Variants in WDR17 observed in about 807,000 individuals in gnomAD.
WDR17 encodes the protein WD repeat-containing protein 17.
A neutral mutation model predicts 161.7 loss-of-function variants in WDR17; 143 were observed. The observed-to-expected ratio is 0.88, with a 90% confidence interval of 0.77 to 1.02. The LOEUF (loss-of-function observed/expected upper bound fraction) is 1.02, where lower values mean the gene tolerates loss of function less well. Among genes scored for constraint, WDR17 ranks in the 50% least tolerant of loss-of-function variants. WDR17 has a pLI of 0.00. For missense variants in WDR17, 1,469 were observed against 1,520.9 expected (o/e 0.97, Z 0.57); for synonymous variants, 517 against 515.6 (o/e 1.00, Z -0.04).
chr4:176,178,639 G>A (rs575169902), intron 28 of WDR17, among the ~76,000 whole-genome samples: 6 of 152,114 alleles, frequency 3.9e-5, no homozygotes, highest in South Asian at 2.1e-4. Context: ...GAAAGTTGAC[G>A]TGTTTGGGTT....
At chr4:176,147,880 A>T (rs1439557627) in intron 12 of WDR17, among the ~76,000 whole-genome samples, 4 of 152,250 alleles carry the variant, frequency 2.6e-5, no homozygotes, top group Admixed American at 6.5e-5. Flanking sequence ...TACTATAAAG[A>T]AAAGTATGTG....
intron 1 of WDR17, among the ~76,000 whole-genome samples, chr4:176,107,613 A>G (rs972931019): frequency 1.3e-5 from 2 of 151,816 alleles, no homozygotes; most frequent in Non-Finnish European, 1.5e-5. Flanking sequence ...ATCAGAAGGA[A>G]ATTCTGACAT....
chr4:176,074,805 T>C (rs1428248927), intron 1 of WDR17, among the ~76,000 whole-genome samples: 1 of 143,308 alleles, frequency 7.0e-6, no homozygotes, highest in Non-Finnish European at 1.5e-5. Flanking sequence ...GGATTTTTTT[T>C]AATGCTTTTT....
intron 25 of WDR17, among the ~76,000 whole-genome samples, chr4:176,173,595 C>T (rs1464239397): frequency 1.3e-5 from 2 of 152,140 alleles, no homozygotes; most frequent in Non-Finnish European, 2.9e-5. Context: ...CAGCTCACTG[C>T]AAGCTCCGCC....
chr4:176,150,248 A>G (rs1746903161), intron 15 of WDR17, 75 bp downstream of exon 15: 2 of 1,569,388 alleles, frequency 1.3e-6, no homozygotes, highest in Non-Finnish European at 1.7e-6. Flanking sequence ...TTTTATTCAC[A>G]TATTTACATG....
In WDR17 at chr4:176,163,232, G is replaced by T. The variant is rs1749302167; in HGVS notation, c.2929G>T (p.Ala977Ser). ...GGGCACAGTACTAGGAGAGTCTGCA[G>T]CACCAGCAACCCACTATGCCTTAGA... Reference protein sequence around the residue: ...CVGTVLGESAAPATHYALELL... With the variant: ...CVGTVLGESASPATHYALELL... The change falls in exon 22 of 29, where the codon GCA becomes TCA. Residue 977 changes from alanine to serine, a missense_variant. By Grantham distance (99) the Ala-to-Ser change is moderately conservative. Coordinates refer to ENST00000508596, the MANE Select transcript of WDR17 (RefSeq NM_181265.4). The T allele has an allele frequency of 6.2e-7, 1 of 1,613,796 alleles. No homozygotes were observed. The highest frequency in any genetic ancestry group is 1.3e-5 in the African/African-American group (1 of 74,912).
chr4:176,108,992 G>A (rs750084470), intron 1 of WDR17, among the ~76,000 whole-genome samples: 6 of 152,018 alleles, frequency 3.9e-5, no homozygotes, highest in African/African-American at 9.7e-5. Flanking sequence ...GTCTCCCTAC[G>A]TTGCCCAGAC....
intron 8 of WDR17, among the ~76,000 whole-genome samples, chr4:176,137,090 C>A (rs538348161): frequency 6.6e-6 from 1 of 151,438 alleles, no homozygotes; most frequent in Non-Finnish European, 1.5e-5. Context: ...ACTTTCATAA[C>A]CATTAAAATA....
At chr4:176,165,911 G>T (rs1749705325) in intron 22 of WDR17, among the ~76,000 whole-genome samples, 1 of 152,144 alleles carries the variant, frequency 6.6e-6, no homozygotes, top group Non-Finnish European at 1.5e-5. Flanking sequence ...TTTAAATGTG[G>T]TGCTGATTAG....
At chr4:176,123,447 T>A (rs544020242) in intron 4 of WDR17, among the ~76,000 whole-genome samples, 4 of 152,324 alleles carry the variant, frequency 2.6e-5, no homozygotes, top group African/African-American at 9.6e-5. Context: ...TCTCTTCTGA[T>A]GACAGTTGTT....
chr4:176,177,700 A>T, intron 28 of WDR17, 46 bp downstream of exon 28: 1 of 1,520,610 alleles, frequency 6.6e-7, no homozygotes, highest in Non-Finnish European at 8.8e-7. Context: ...ACCATTTTAC[A>T]TGTTTACTTT....
chr4:176,120,185 C>T (rs1281523975), intron 4 of WDR17, 88 bp downstream of exon 4: 1 of 995,886 alleles, frequency 1.0e-6, no homozygotes, highest in African/African-American at 1.7e-5. Flanking sequence ...GTGACCAGTC[C>T]CCATTGTGAA....
intron 17 of WDR17, among the ~76,000 whole-genome samples, chr4:176,154,014 A>T (rs755854902): frequency 6.6e-6 from 1 of 152,194 alleles, no homozygotes; most frequent in Non-Finnish European, 1.5e-5. Context: ...TTGGTACAAC[A>T]GTGTAATTCT....
At position 176,180,339 on chromosome 4, in the gene WDR17, G is replaced by A. The variant is rs1340630850; in HGVS notation, c.*760G>A. On this transcript the variant is annotated 3_prime_UTR_variant, in exon 29 of 29. Transcript: ENST00000508596. ...CTATTTTAAGAGATTCAGCATGCAT[G>A]GATATTAGTTTTGATTAATGTGTAC... is the stretch of plus-strand genomic sequence containing the variant. 6.6e-6 allele frequency: 1 copy of A among 152,048 alleles called. No homozygotes were observed. The highest frequency in any genetic ancestry group is 1.5e-5 in the Non-Finnish European group (1 of 68,008). The allele number at this position is 152,048 out of a possible 1,614,324, so 9.4% of individuals were successfully genotyped here.
chr4:176,147,693 A>G (rs1045689398), intron 12 of WDR17, among the ~76,000 whole-genome samples: 11 of 152,160 alleles, frequency 7.2e-5, no homozygotes, highest in Non-Finnish European at 1.5e-4. Flanking sequence ...TAACAAAGCA[A>G]TTTTATTCAC....
chr4:176,149,814 C>T lies in WDR17; in HGVS notation c.1905C>T (p.Thr635=). ...GGTTTTTATTTTCATCAGGTTTAACCTGCCATCCCAGTCGCCCCTTCACTA... is the reference window on the plus strand; with the variant it reads ...GGTTTTTATTTTCATCAGGTTTAACTTGCCATCCCAGTCGCCCCTTCACTA... ...YDHGADVYGL[T]CHPSRPFTMA... The change falls in exon 14 of 29, where the codon ACC becomes ACT. Residue 635 remains threonine (T), a synonymous_variant. Transcript: ENST00000508596. The T allele has an allele frequency of 6.2e-7, 1 of 1,612,192 alleles. No individual in the cohort carries two copies. The highest frequency in any genetic ancestry group is 8.5e-7 in the Non-Finnish European group (1 of 1,179,580).
At chr4:176,175,504 C>T (rs1751302147) in intron 26 of WDR17, among the ~76,000 whole-genome samples, 1 of 151,964 alleles carries the variant, frequency 6.6e-6, no homozygotes, top group African/African-American at 2.4e-5. Flanking sequence ...ACCATTTTAA[C>T]AAATGCAGAG....
In WDR17 at chr4:176,137,601, G is replaced by T. The variant is rs781583255; in HGVS notation, c.1349G>T (p.Arg450Leu). Residue 450 changes from arginine to leucine, a missense_variant, in exon 9 of 29, where the codon CGA (arginine) becomes CTA (leucine). Physicochemically the swap from Arg to Leu is moderately radical, Grantham distance 102. Coordinates refer to ENST00000508596, the MANE Select transcript of WDR17 (RefSeq NM_181265.4). ...GTTCAAAAGGGCAAAATTATACAAC[G>T]ATTTAATGAGGTAAGATTTATTTAT... ...WNVQKGKIIQRFNEHGTNGIF... is the reference protein window; with the variant it reads ...WNVQKGKIIQLFNEHGTNGIF... The T allele has an allele frequency of 3.8e-6, 6 of 1,587,284 alleles. No individual in the cohort carries two copies. In the African/African-American group the frequency reaches 8.1e-5, roughly 21 times the overall value.
chr4:176,066,497 G>T (rs1469792487), intron 1 of WDR17, among the ~76,000 whole-genome samples: 1 of 152,116 alleles, frequency 6.6e-6, no homozygotes, highest in Non-Finnish European at 1.5e-5. Context: ...TACTAAGAAA[G>T]GTTTGAGTAA....
Sources: gnomAD v4.1 joint callset for allele counts (sites outside exome capture counted in the v4.1 genomes callset) on GRCh38, gnomAD v4.1.1 for gene constraint, MANE v1.5 for transcripts, NCBI Gene and HGNC (gene_info 2026-07-23, HGNC 2026-07-21) for gene names.